GYG1: variants seen among roughly 807,000 people sequenced by gnomAD.
GYG1 encodes glycogenin-1.
GYG1 carries 44 observed loss-of-function variants against 41.9 expected under a neutral mutation model. The observed-to-expected ratio is 1.05, with a 90% CI of 0.83 to 1.35. The LOEUF is 1.35. GYG1 is among the 40% of genes most tolerant of loss of function. The pLI, the probability that GYG1 is intolerant of heterozygous loss-of-function variation, is 0.00. For synonymous variants in GYG1, 141 were observed against 158.1 expected, an observed-to-expected ratio of 0.89 and a Z score of 0.81; for missense variants, 429 against 418.9, an observed-to-expected ratio of 1.02 and a Z score of -0.21.
intron 4 of GYG1, among the ~76,000 whole-genome samples, chr3:149,003,601 C>T (rs900756958): frequency 1.3e-5 from 2 of 152,132 alleles, no homozygotes; most frequent in African/African-American, 4.8e-5. Flanking sequence ...CTTCAAAAGA[C>T]TCTAGTACTT....
intron 1 of GYG1, among the ~76,000 whole-genome samples, chr3:148,993,480 TGAG>T (rs1248607219): frequency 2.6e-5 from 4 of 152,124 alleles, no homozygotes; most frequent in African/African-American, 7.2e-5. Flanking sequence ...AGCTGATACT[TGAG>T]GAGAGACTCA....
chr3:149,017,677 C>T (rs1359305980), intron 5 of GYG1, among the ~76,000 whole-genome samples: 3 of 140,122 alleles, frequency 2.1e-5, no homozygotes, highest in Non-Finnish European at 4.6e-5. Context: ...CTCACTGCAA[C>T]CTCCGCCTCC....
At chr3:148,996,935 G>A (rs749686740) in intron 4 of GYG1, 31 bp downstream of exon 4, 2 of 1,535,982 alleles carry the variant, frequency 1.3e-6, no homozygotes, top group Non-Finnish European at 1.8e-6. Context: ...TGTCTGATAA[G>A]CTGTTAATAG....
chr3:148,994,080 G>A, intron 1 of GYG1, 62 bp from the exon 2 acceptor site: 1 of 1,475,570 alleles, frequency 6.8e-7, no homozygotes, highest in Non-Finnish European at 9.5e-7. Flanking sequence ...ATGGGTTCCT[G>A]GGGAAAAGGC....
Position 148,996,351 on chromosome 3 carries a change from G to A in GYG1, c.193G>A (p.Asp65Asn), listed in dbSNP as rs1712785973. The A allele has an allele frequency of 6.2e-7, 1 of 1,611,984 alleles. No individual in the cohort carries two copies. Among genetic ancestry groups the A allele is most frequent in the East Asian group, 2.2e-5 (1 of 44,898 alleles). ...TGAAGTCATCATGGTAGATGTCTTG[G>A]ACAGTGGCGATTCTGCTCATCTAAC... is the stretch of plus-strand genomic sequence containing the variant. ...FDEVIMVDVLDSGDSAHLTLM... is the reference protein window; with the variant it reads ...FDEVIMVDVLNSGDSAHLTLM... The change falls in exon 3 of 8, where the codon GAC (aspartate) becomes AAC (asparagine). Residue 65 changes from aspartate (D) to asparagine (N), a missense_variant. Asp to Asn is a conservative substitution (Grantham distance 23). Coordinates refer to ENST00000345003, the MANE Select transcript of GYG1 (RefSeq NM_004130.4).
At chr3:148,995,222 C>A (rs1444199475) in intron 2 of GYG1, among the ~76,000 whole-genome samples, 3 of 152,110 alleles carry the variant, frequency 2.0e-5, no homozygotes, top group African/African-American at 7.2e-5. Context: ...AAAACAACAA[C>A]AACAGAAAAT....
Position 148,994,135 on chromosome 3 carries a change from T to TAA in GYG1, c.8-6_8-5insAA, listed in dbSNP as rs1417239814. ...GTAATGAGTGTTTTTTTTTTCTTTG[T>TAA]ATTAAGATCAGGCCTTTGTGACACT... is the stretch of plus-strand genomic sequence containing the variant. On this transcript the variant is annotated splice_polypyrimidine_tract_variant and splice_region_variant and intron_variant, in intron 1 of 7. Coordinates refer to ENST00000345003, the MANE Select transcript of GYG1 (RefSeq NM_004130.4). 1.2e-6 allele frequency: 2 copies of TAA among 1,612,666 alleles called. No homozygotes were observed. The highest frequency in any genetic ancestry group is 3.3e-5 in the Admixed American group (2 of 60,020).
At chr3:149,007,295 A>G (rs1471409582) in intron 4 of GYG1, among the ~76,000 whole-genome samples, 2 of 152,228 alleles carry the variant, frequency 1.3e-5, no homozygotes, top group Non-Finnish European at 2.9e-5. Context: ...ATTTCAATGT[A>G]GGAATTTTGG....
At chr3:149,020,993 A>C (rs1291469372) in intron 5 of GYG1, among the ~76,000 whole-genome samples, 1 of 151,804 alleles carries the variant, frequency 6.6e-6, no homozygotes, top group Admixed American at 6.6e-5. Flanking sequence ...CACAGGTGTC[A>C]GATCTCTGTG....
rs781042039 is a variant in GYG1, at chr3:149,026,498, G to C, written c.875G>C (p.Arg292Thr). 7 of 1,594,348 alleles carry C rather than the reference G, an allele frequency of 4.4e-6. No homozygotes were observed. In the Admixed American group the frequency reaches 1.2e-4, roughly 27 times the overall value. ...CTGGCTTTCTCTTGTGGCTTCTGTA[G>C]AAAGGTATGCAGAACTTAAAGATTA... is the stretch of plus-strand genomic sequence containing the variant. ...YTLAFSCGFCRKEDVSGAISH... is the reference protein window; with the variant it reads ...YTLAFSCGFCTKEDVSGAISH... The change falls in exon 7 of 8, where the codon AGA becomes ACA. Residue 292 changes from arginine to threonine, a missense_variant. Arg to Thr is a moderately conservative substitution (Grantham distance 71). Coordinates refer to ENST00000345003, the MANE Select transcript of GYG1 (RefSeq NM_004130.4).
chr3:148,994,598 A>G (rs1251585286), intron 2 of GYG1, among the ~76,000 whole-genome samples: 1 of 152,056 alleles, frequency 6.6e-6, no homozygotes, highest in Non-Finnish European at 1.5e-5. Context: ...TTCCCTGCTT[A>G]CATACACCTT....
At chr3:149,006,560 C>T (rs1353427074) in intron 4 of GYG1, among the ~76,000 whole-genome samples, 1 of 152,078 alleles carries the variant, frequency 6.6e-6, no homozygotes, top group African/African-American at 2.4e-5. Context: ...AAGATTCATC[C>T]AGGTTATTGT....
In GYG1 at chr3:148,991,963, G is replaced by A. The variant is rs184809862; in HGVS notation, c.7+316G>A. 0.029 allele frequency among the ~76,000 whole-genome samples: 4,436 copies of A among 152,228 alleles called. 231 individuals carry two copies. The highest frequency in any genetic ancestry group is 0.1 in the African/African-American group (4,241 of 41,536). On this transcript the variant is annotated intron_variant, in intron 1 of 7. Coordinates refer to ENST00000345003, the MANE Select transcript of GYG1 (RefSeq NM_004130.4). ...CGGGCGGAGCAGCTGCGGCGGGGCC[G>A]TGTGGGGGTGGGGAGCCGGTTCCCC... is the stretch of plus-strand genomic sequence containing the variant.
At chr3:149,012,478 C>T (rs1418044719) in intron 5 of GYG1, among the ~76,000 whole-genome samples, 1 of 152,172 alleles carries the variant, frequency 6.6e-6, no homozygotes, top group African/African-American at 2.4e-5. Flanking sequence ...TATTTAGACA[C>T]CCCAGAATCT....
rs1714897156 is a variant in GYG1, at chr3:149,030,353, A to G, written c.*3420A>G. 2 of 152,188 alleles carry G rather than the reference A, an allele frequency of 1.3e-5. No individual in the cohort carries two copies. The highest frequency in any genetic ancestry group is 1.3e-4 in the Admixed American group (2 of 15,284). The allele number at this position is 152,188 out of a possible 1,614,324, so 9.4% of individuals were successfully genotyped here. The stretch of plus-strand genomic sequence containing the variant: ...TTAAATTTTTTAAATTAAACTTTTA[A>G]AATATAACAACATCTAACAGAACTG... On this transcript the variant is annotated 3_prime_UTR_variant, in exon 8 of 8. Coordinates refer to ENST00000345003, the MANE Select transcript of GYG1 (RefSeq NM_004130.4).
chr3:149,021,698 T>C (rs11716535), intron 5 of GYG1, among the ~76,000 whole-genome samples: 10,776 of 152,132 alleles, frequency 0.071, 456 homozygotes, highest in South Asian at 0.15. Context: ...CCCCATCATG[T>C]CCTTAAAGAA....
intron 6 of GYG1, among the ~76,000 whole-genome samples, chr3:149,024,904 G>A (rs1381995785): frequency 2.0e-5 from 3 of 152,140 alleles, no homozygotes; most frequent in African/African-American, 4.8e-5. Flanking sequence ...GATGAGGAAC[G>A]AAACTGTTAC....
At chr3:149,020,228 G>A (rs1714292047) in intron 5 of GYG1, among the ~76,000 whole-genome samples, 1 of 152,160 alleles carries the variant, frequency 6.6e-6, no homozygotes, top group Non-Finnish European at 1.5e-5. Flanking sequence ...CTTTCCTATT[G>A]GTTACTTTCT....
At chr3:148,993,935 G>T (rs1326803538) in intron 1 of GYG1, among the ~76,000 whole-genome samples, 2 of 152,160 alleles carry the variant, frequency 1.3e-5, no homozygotes, top group African/African-American at 4.8e-5. Context: ...CCTGTTGAAG[G>T]TTGCCATATG....
Sources: gnomAD v4.1 joint callset for allele counts (sites outside exome capture counted in the v4.1 genomes callset) on GRCh38, gnomAD v4.1.1 for gene constraint, MANE v1.5 for transcripts, NCBI Gene and HGNC (gene_info 2026-07-23, HGNC 2026-07-21) for gene names.